Variants in TPR observed in about 807,000 individuals in gnomAD.
The protein encoded by TPR is translocated promoter region, nuclear basket protein.
In TPR, 51 loss-of-function variants were observed where a neutral mutation model predicts 316.1. The ratio of observed to expected loss-of-function variants is 0.16; its 90% CI spans 0.13 to 0.20. The LOEUF (loss-of-function observed/expected upper bound fraction) is 0.20. TPR is among the 10% of genes least tolerant of loss of function. The pLI is 1.00. For missense variants in TPR, 2,272 were observed against 2,754.8 expected, an observed-to-expected ratio of 0.82 and a Z score of 3.92; for synonymous variants, 981 against 914.7, an observed-to-expected ratio of 1.07 and a Z score of -1.31.
Position 186,345,629 on chromosome 1 carries a change from C to T in TPR, c.3164G>A (p.Ser1055Asn), listed in dbSNP as rs373314452. 1.9e-6 allele frequency: 3 copies of T among 1,613,496 alleles called. No individual in the cohort carries two copies. The highest frequency in any genetic ancestry group is 2.5e-6 in the Non-Finnish European group (3 of 1,179,798). ...NEVQEALQRA[S>N]TALSNEQQAR... Reference sequence around the variant, plus strand: ...TTGCTGCTCATTACTTAAAGCTGTGCTTGCTCTCTGAAGAGCTTCTTGTAC... The same window carrying T: ...TTGCTGCTCATTACTTAAAGCTGTGTTTGCTCTCTGAAGAGCTTCTTGTAC... The change falls in exon 24 of 51, where the codon AGC (serine) becomes AAC (asparagine). Residue 1055 changes from serine (S) to asparagine (N), a missense_variant. Ser to Asn is a conservative substitution (Grantham distance 46). Transcript: ENST00000367478.
At chr1:186,314,842 T>C in intron 49 of TPR, 118 bp from the exon 50 acceptor site, 1 of 569,630 alleles carries the variant, frequency 1.8e-6, no homozygotes, top group Middle Eastern at 4.4e-4. Flanking sequence ...TCATTTGATT[T>C]CAATTCTTTT....
intron 47 of TPR, 35 bp downstream of exon 47, chr1:186,318,698 T>TTG (rs766054620): frequency 1.9e-5 from 30 of 1,610,752 alleles, no homozygotes; most frequent in Non-Finnish European, 2.5e-6. Flanking sequence ...ATTTTACCAA[T>TTG]AAAACAGAAC....
chr1:186,345,677 G>T lies in TPR; in HGVS notation c.3116C>A (p.Thr1039Lys). 6.2e-7 allele frequency: 1 copy of T among 1,611,742 alleles called. No homozygotes were observed. Reference sequence around the variant, plus strand: ...TACTTCATTCTGAACACTAGAAAGTGTTTTCTTCAATTCAGATAACTAAGC... The same window carrying T: ...TACTTCATTCTGAACACTAGAAAGTTTTTTCTTCAATTCAGATAACTAAGC... Reference protein sequence around the residue: ...MEQQLSELKKTLSSVQNEVQE... With the variant: ...MEQQLSELKKKLSSVQNEVQE... Residue 1039 changes from threonine (T) to lysine (K), a missense_variant, in exon 24 of 51, where the codon ACA (threonine) becomes AAA (lysine). Transcript: ENST00000367478.
intron 39 of TPR, among the ~76,000 whole-genome samples, chr1:186,330,226 T>C (rs1038409447): frequency 6.6e-6 from 1 of 152,096 alleles, no homozygotes; most frequent in African/African-American, 2.4e-5. Context: ...GCATGGTAAA[T>C]TTCTAAATTC....
chr1:186,362,401 A>G, intron 6 of TPR, 21 bp from the exon 7 acceptor site: 1 of 1,575,666 alleles, frequency 6.3e-7, no homozygotes, highest in Non-Finnish European at 8.7e-7. Context: ...AAAATAGAGC[A>G]GGGGGAAAGG....
intron 46 of TPR, 28 bp downstream of exon 46, chr1:186,320,284 C>T: frequency 1.3e-6 from 2 of 1,563,046 alleles, no homozygotes; most frequent in Non-Finnish European, 1.7e-6. Context: ...CATACAAATT[C>T]AGGGGATCTA....
chr1:186,352,139 A>T (rs771601849), intron 18 of TPR, 29 bp from the exon 19 acceptor site: 1 of 1,568,126 alleles, frequency 6.4e-7, no homozygotes, highest in African/African-American at 1.4e-5. Flanking sequence ...GAAATAAAAA[A>T]TGCTGAAAAA....
At chr1:186,353,454 C>A (rs541294783) in intron 18 of TPR, among the ~76,000 whole-genome samples, 2 of 152,100 alleles carry the variant, frequency 1.3e-5, no homozygotes, top group Admixed American at 6.5e-5. Context: ...GCAAGACTTG[C>A]GAGTATATCT....
At position 186,371,547 on chromosome 1, in the gene TPR, A is replaced by G. The variant is rs910088105; in HGVS notation, c.257-504T>C. Among the ~76,000 whole-genome samples, 4 of 152,274 alleles carry G rather than the reference A, an allele frequency of 2.6e-5. No individual in the cohort carries two copies. In the South Asian group the frequency reaches 6.2e-4, roughly 24 times the overall value. On this transcript the variant is annotated intron_variant, in intron 2 of 50. Coordinates refer to ENST00000367478, the MANE Select transcript of TPR (RefSeq NM_003292.3). The stretch of plus-strand genomic sequence containing the variant: ...ATTATGCTTGATAACGCACTTATCA[A>G]TCTCTCAATTGCCACTCAAAATGGG...
At chr1:186,348,719 C>T (rs756359184) in intron 21 of TPR, among the ~76,000 whole-genome samples, 18 of 151,960 alleles carry the variant, frequency 1.2e-4, no homozygotes, top group Non-Finnish European at 2.4e-4. Context: ...CTCAGCCAGC[C>T]GACACTCATA....
intron 6 of TPR, 42 bp downstream of exon 6, chr1:186,362,795 G>C (rs1393563453): frequency 1.3e-6 from 2 of 1,513,940 alleles, no homozygotes; most frequent in East Asian, 2.3e-5. Context: ...ACAAATGTAA[G>C]TTATACTCAA....
At position 186,373,407 on chromosome 1, in the gene TPR, T is replaced by C; in HGVS notation, c.208A>G (p.Asn70Asp). 6.2e-7 allele frequency: 1 copy of C among 1,613,692 alleles called. No homozygotes were observed. Among genetic ancestry groups the C allele is most frequent in the African/African-American group, 1.3e-5 (1 of 75,058 alleles). Residue 70 changes from asparagine to aspartate, a missense_variant, in exon 2 of 51, where the codon AAT (asparagine) becomes GAT (aspartate). Physicochemically the swap from Asn to Asp is conservative, Grantham distance 23. Around this residue, in one of 10 missense-constraint regions of TPR, gnomAD observed 549 missense variants for 598.6 expected, o/e 0.92. Coordinates refer to ENST00000367478, the MANE Select transcript of TPR (RefSeq NM_003292.3). ...AAGCTTTGACACTCTCGGGTTTCATTCACAAGTCTCTCCTGACTGTGGGAC... is the reference window on the plus strand; with the variant it reads ...AAGCTTTGACACTCTCGGGTTTCATCCACAAGTCTCTCCTGACTGTGGGAC... Reference protein sequence around the residue: ...RLSHSQERLVNETRECQSLRL... With the variant: ...RLSHSQERLVDETRECQSLRL...
In TPR at chr1:186,312,866, C is replaced by A; in HGVS notation, c.*1105G>T. 1 of 1,612,428 alleles carries A rather than the reference C, an allele frequency of 6.2e-7. No homozygotes were observed. Among genetic ancestry groups the A allele is most frequent in the South Asian group, 1.1e-5 (1 of 91,046 alleles). ...CACTGCCCAACATCAGAAAACCTGA[C>A]GGCTATGATTACTATGCCTTTTCTA... is the stretch of plus-strand genomic sequence containing the variant. On this transcript the variant is annotated 3_prime_UTR_variant, in exon 51 of 51. Transcript: ENST00000367478.
chr1:186,322,254 A>G, intron 45 of TPR, 64 bp downstream of exon 45: 4 of 1,452,836 alleles, frequency 2.8e-6, no homozygotes, highest in Middle Eastern at 2.3e-4. Flanking sequence ...ATGATAAACA[A>G]ACTAACAGAG....
chr1:186,343,512 A>G, intron 26 of TPR, 39 bp from the exon 27 acceptor site: 1 of 1,583,754 alleles, frequency 6.3e-7, no homozygotes, highest in East Asian at 2.2e-5. Context: ...TGTGAATTTT[A>G]AAAAGCCAAC....
chr1:186,329,993 G>GT (rs1658112050), intron 39 of TPR, among the ~76,000 whole-genome samples: 1 of 152,038 alleles, frequency 6.6e-6, no homozygotes, highest in South Asian at 2.1e-4. Context: ...ATCAGTTTCT[G>GT]TAACTATGAG....
At chr1:186,359,769 C>T (rs1256229004) in intron 12 of TPR, 30 bp downstream of exon 12, 11 of 1,565,334 alleles carry the variant, frequency 7.0e-6, no homozygotes, top group Non-Finnish European at 9.4e-6. Flanking sequence ...TGTATTGTTA[C>T]CACGGCTAAA....
intron 31 of TPR, among the ~76,000 whole-genome samples, chr1:186,337,795 T>C (rs1458922451): frequency 2.0e-5 from 3 of 152,048 alleles, no homozygotes; most frequent in African/African-American, 4.8e-5. Context: ...TATAAGAACA[T>C]AGCTTTGAAA....
chr1:186,322,063 C>T (rs541778246), intron 45 of TPR, among the ~76,000 whole-genome samples: 2 of 152,336 alleles, frequency 1.3e-5, no homozygotes, highest in African/African-American at 4.8e-5. Context: ...GGCATTCTAA[C>T]TCTAGAGGCC....
Sources: allele counts gnomAD v4.1 joint callset (sites outside exome capture counted in the v4.1 genomes callset), GRCh38; gene constraint gnomAD v4.1.1; regional missense constraint gnomAD v4.1.1; transcripts MANE v1.5; gene names NCBI Gene and HGNC (gene_info 2026-07-23, HGNC 2026-07-21).